Variants in KARS1 observed in about 807,000 individuals in gnomAD.
KARS1 encodes the protein lysine--tRNA ligase.
A neutral mutation model predicts 63.9 loss-of-function variants in KARS1; 50 were observed. The ratio of observed to expected loss-of-function variants is 0.78; its 90% CI spans 0.62 to 0.99. The LOEUF (loss-of-function observed/expected upper bound fraction) is 0.99. KARS1 is among the 50% of genes least tolerant of loss of function. The probability of loss-of-function intolerance (pLI) is 0.00; values close to 1 mark genes in which losing one functional copy is unlikely to be tolerated. For synonymous variants in KARS1, 320 were observed against 264.6 expected, an observed-to-expected ratio of 1.21 and a Z score of -2.03; for missense variants, 816 against 754.5, an observed-to-expected ratio of 1.08 and a Z score of -0.95.
chr16:75,640,340 T>C lies in KARS1; in HGVS notation c.232A>G (p.Lys78Glu), dbSNP rs1298428928. 4.3e-6 allele frequency: 7 copies of C among 1,611,708 alleles called. No homozygotes were observed. In the Admixed American group the frequency reaches 5.0e-5, roughly 12 times the overall value. ...TGATGAATTGCTTGACTGCGGATTT[T>C]GTAGTATTGCTGTTAAAAAAAAAAA... Reference protein sequence around the residue: ...EESVDPNQYYKIRSQAIHQLK... With the variant: ...EESVDPNQYYEIRSQAIHQLK... The change falls in exon 3 of 14, where the codon AAA becomes GAA. Residue 78 changes from lysine (K) to glutamate (E), a missense_variant. Transcript: ENST00000302445.
chr16:75,645,510 C>T (rs1435351918), intron 1 of KARS1, among the ~76,000 whole-genome samples: 1 of 152,200 alleles, frequency 6.6e-6, no homozygotes, highest in Non-Finnish European at 1.5e-5. Context: ...GTGCCTGGCA[C>T]AGAAAAGCTG....
At position 75,635,905 on chromosome 16, in the gene KARS1, C is replaced by T. The variant is rs372430772; in HGVS notation, c.669+7G>A. ...GAGGCCACAGCTAGGAGGCCAAGAA[C>T]GCTTACCTTGTCTTTGAGGCCAAAG... On this transcript the variant is annotated splice_region_variant and intron_variant, in intron 5 of 13. Coordinates refer to ENST00000302445, the MANE Select transcript of KARS1 (RefSeq NM_005548.3). 31 of 1,613,954 alleles carry T rather than the reference C, an allele frequency of 1.9e-5. No homozygotes were observed. Among genetic ancestry groups the T allele is most frequent in the African/African-American group, 1.1e-4 (8 of 74,908 alleles).
At chr16:75,632,983 T>C (rs1294878456) in intron 7 of KARS1, among the ~76,000 whole-genome samples, 1 of 152,192 alleles carries the variant, frequency 6.6e-6, no homozygotes, top group African/African-American at 2.4e-5. Context: ...CTGTTTACCC[T>C]ACCTCCATTA....
intron 1 of KARS1, 53 bp downstream of exon 1, chr16:75,647,525 C>A: frequency 6.4e-7 from 1 of 1,560,186 alleles, no homozygotes; most frequent in East Asian, 2.3e-5. Flanking sequence ...GCGGCGCTTC[C>A]CAGCCCAGAC....
At chr16:75,628,926 C>G (rs2082080452) in intron 12 of KARS1, 1 of 603,108 alleles carries the variant, frequency 1.7e-6, no homozygotes, top group Non-Finnish European at 2.9e-6. Context: ...GACCTCAGAA[C>G]ACATACAAAT....
At chr16:75,630,283 G>GA in intron 11 of KARS1, 140 bp downstream of exon 11, 2 of 662,958 alleles carry the variant, frequency 3.0e-6, no homozygotes, top group East Asian at 2.9e-5. Flanking sequence ...ATCCCCAGTT[G>GA]AAAAAAAGCC....
chr16:75,638,553 A>G (rs1401333667), intron 3 of KARS1, among the ~76,000 whole-genome samples: 1 of 152,254 alleles, frequency 6.6e-6, no homozygotes, highest in Non-Finnish European at 1.5e-5. Context: ...GACGCAAAAC[A>G]TGAAAGAACA....
chr16:75,631,959 C>T, intron 7 of KARS1, 104 bp from the exon 8 acceptor site: 1 of 1,348,984 alleles, frequency 7.4e-7, no homozygotes, highest in Non-Finnish European at 1.1e-6. Flanking sequence ...AAGATCTCAG[C>T]TCACCGCAAC....
intron 12 of KARS1, chr16:75,629,022 C>G (rs940152939): frequency 1.0e-5 from 5 of 480,868 alleles, no homozygotes; most frequent in African/African-American, 9.7e-5. Flanking sequence ...TTACAAGAGT[C>G]TTTCTCCCAT....
chr16:75,628,811 C>T, intron 12 of KARS1, 99 bp from the exon 13 acceptor site: 2 of 1,240,196 alleles, frequency 1.6e-6, no homozygotes, highest in Non-Finnish European at 2.4e-6. Context: ...TACCATCATT[C>T]CAGAGATGCT....
chr16:75,640,217 C>G lies in KARS1; in HGVS notation c.355G>C (p.Asp119His). The G allele has an allele frequency of 1.9e-6, 3 of 1,614,052 alleles. No individual in the cohort carries two copies. The South Asian group carries it at 3.3e-5, about 18-fold the overall frequency. ...TTTAAGGTGATGTCAGTCAGGTGAT[C>G]CCCAGGCTGCAGGTGACTATATTTT... ...IQKYSHLQPG[D>H]HLTDITLKVA... is the part of the protein sequence containing the mutation. The change falls in exon 3 of 14, where the codon GAT (aspartate) becomes CAT (histidine). Residue 119 changes from aspartate to histidine, a missense_variant. Asp to His is a moderately conservative substitution (Grantham distance 81, BLOSUM62 -1). Transcript: ENST00000302445.
intron 7 of KARS1, 44 bp from the exon 8 acceptor site, chr16:75,631,899 T>C (rs764497321): frequency 6.2e-7 from 1 of 1,610,750 alleles, no homozygotes; most frequent in Non-Finnish European, 8.5e-7. Context: ...TAATCTTTTT[T>C]TTTTTGAGAT....
chr16:75,645,999 A>G (rs1420098657), intron 1 of KARS1, among the ~76,000 whole-genome samples: 2 of 152,190 alleles, frequency 1.3e-5, no homozygotes, highest in Non-Finnish European at 2.9e-5. Flanking sequence ...GGTGGTTTGA[A>G]AGAATGAACT....
chr16:75,644,383 T>C (rs2082258229), intron 1 of KARS1: 2 of 1,612,800 alleles, frequency 1.2e-6, no homozygotes, highest in Non-Finnish European at 1.7e-6. Flanking sequence ...CAGGAGGTTT[T>C]GCGCAGGGAC....
intron 7 of KARS1, chr16:75,633,941 G>T: frequency 1.9e-6 from 1 of 520,598 alleles, no homozygotes; most frequent in South Asian, 1.8e-5. Context: ...TAGGTAAGGA[G>T]TGCCTGTATA....
intron 3 of KARS1, among the ~76,000 whole-genome samples, chr16:75,638,383 C>T (rs963185357): frequency 1.3e-5 from 2 of 152,102 alleles, no homozygotes; most frequent in East Asian, 1.9e-4. Context: ...TGTCCCTCCC[C>T]GGTCCCCCCG....
chr16:75,635,282 G>C, intron 6 of KARS1: 1 of 311,832 alleles, frequency 3.2e-6, no homozygotes, highest in East Asian at 8.2e-5. Context: ...ACTCAAGTTT[G>C]GGTAGGGAAG....
intron 2 of KARS1, 44 bp downstream of exon 2, chr16:75,641,520 A>C (rs780807303): frequency 8.8e-6 from 14 of 1,583,688 alleles, no homozygotes; most frequent in South Asian, 5.6e-5. Flanking sequence ...GCCTCATCAG[A>C]AGCTTTCCTG....
chr16:75,646,213 G>A (rs983946394), intron 1 of KARS1, among the ~76,000 whole-genome samples: 15 of 152,192 alleles, frequency 9.9e-5, no homozygotes, highest in African/African-American at 3.6e-4. Context: ...CTTTTTCTAA[G>A]ATATTTGAAG....
Sources: gnomAD v4.1 joint callset for allele counts (sites outside exome capture counted in the v4.1 genomes callset) on GRCh38, gnomAD v4.1.1 for gene constraint, MANE v1.5 for transcripts, NCBI Gene and HGNC (gene_info 2026-07-23, HGNC 2026-07-21) for gene names.